The following ZNF627 variants were observed in gnomAD, a reference collection of about 807,000 sequenced individuals.
ZNF627 encodes zinc finger protein 627.
Under a neutral mutation model 10.6 loss-of-function variants are expected in ZNF627, and 12 were observed. The observed-to-expected ratio is 1.13, with a 90% CI of 0.73 to 1.84. The LOEUF is 1.84. ZNF627 is among the 40% of genes most tolerant of loss of function. The pLI is 0.00. For missense variants in ZNF627, 504 were observed against 568.4 expected, an observed-to-expected ratio of 0.89 and a Z score of 1.15; for synonymous variants, 176 against 187.1, an observed-to-expected ratio of 0.94 and a Z score of 0.48.
In ZNF627 at chr19:11,617,813, A is replaced by G. The variant is rs762727718; in HGVS notation, c.1310A>G (p.His437Arg). 3.7e-6 allele frequency: 6 copies of G among 1,608,924 alleles called. No individual in the cohort carries two copies. Among genetic ancestry groups the G allele is most frequent in the South Asian group, 1.1e-5 (1 of 90,318 alleles). The change falls in exon 4 of 4, where the codon CAT becomes CGT. Residue 437 changes from histidine to arginine, a missense_variant. Physicochemically the swap from His to Arg is conservative, Grantham distance 29. Coordinates refer to ENST00000361113, the MANE Select transcript of ZNF627 (RefSeq NM_145295.4). ...AGTCGATCCACTTACTTTCGAGTAC[A>G]TGAAAAAATTCATACTGGAGAGAAA... ...AFSRSTYFRV[H>R]EKIHTGEKPY... is the part of the protein sequence containing the mutation.
intron 3 of ZNF627, among the ~76,000 whole-genome samples, chr19:11,615,999 G>A (rs1430132878): frequency 6.7e-6 from 1 of 149,138 alleles, no homozygotes; most frequent in Non-Finnish European, 1.5e-5. Context: ...GATTACAGAT[G>A]TGAGCCACCA....
intron 1 of ZNF627, among the ~76,000 whole-genome samples, chr19:11,600,510 T>G (rs1973566986): frequency 6.6e-6 from 1 of 152,054 alleles, no homozygotes; most frequent in African/African-American, 2.4e-5. Context: ...TTGTTTTTTT[T>G]TGTGGGGGTG....
At position 11,610,984 on chromosome 19, in the gene ZNF627, C is replaced by T. The variant is rs537122674; in HGVS notation, c.4-3543C>T. Among the ~76,000 whole-genome samples the T allele has an allele frequency of 5.1e-4, 78 of 152,152 alleles. 1 individual carries two copies. The highest frequency in any genetic ancestry group is 1.7e-3 in the African/African-American group (71 of 41,520). On this transcript the variant is annotated intron_variant, in intron 1 of 3. Coordinates refer to ENST00000361113, the MANE Select transcript of ZNF627 (RefSeq NM_145295.4). ...TCTCCTGCCTCAGCCTCTGGAGTAG[C>T]TGGGACTTCAAGCATGTGCCACCAC...
At position 11,617,495 on chromosome 19, in the gene ZNF627, G is replaced by A; in HGVS notation, c.992G>A (p.Gly331Asp). 1 of 1,613,608 alleles carries A rather than the reference G, an allele frequency of 6.2e-7. No homozygotes were observed. Among genetic ancestry groups the A allele is most frequent in the Non-Finnish European group, 8.5e-7 (1 of 1,179,954 alleles). ...AGAAGACACATGATAAAGCACACTG[G>A]CAATGGACCTTATAAATGTAAGGTG... The part of the protein sequence containing the change: ...SVRRHMIKHT[G>D]NGPYKCKVCG... The change falls in exon 4 of 4, where the codon GGC (glycine) becomes GAC (aspartate). Residue 331 changes from glycine to aspartate, a missense_variant. Gly to Asp is a moderately conservative substitution (Grantham distance 94). Transcript: ENST00000361113.
chr19:11,610,784 T>A (rs192385092), intron 1 of ZNF627, among the ~76,000 whole-genome samples: 161 of 152,326 alleles, frequency 1.1e-3, no homozygotes, highest in Non-Finnish European at 1.9e-3. Flanking sequence ...TTCTGTTTCA[T>A]AGATGGGATG....
In ZNF627 at chr19:11,618,692, C is replaced by A. The variant is rs530034238; in HGVS notation, c.*803C>A. ...ACTTTGATGTGAGAATGAGCACTTT[C>A]CTCTATCAGGAAATTTCAAGTGTTT... On this transcript the variant is annotated 3_prime_UTR_variant, in exon 4 of 4. Coordinates refer to ENST00000361113, the MANE Select transcript of ZNF627 (RefSeq NM_145295.4). 7 of 152,188 alleles carry A rather than the reference C, an allele frequency of 4.6e-5. No individual in the cohort carries two copies. The highest frequency in any genetic ancestry group is 8.8e-5 in the Non-Finnish European group (6 of 68,038). The allele number at this position is 152,188 out of a possible 1,614,324, so 9.4% of individuals were successfully genotyped here. A position where few individuals can be genotyped will look rare whatever the true frequency, so the allele number is the denominator to read the frequency against.
intron 1 of ZNF627, among the ~76,000 whole-genome samples, chr19:11,597,847 C>A (rs1260958775): frequency 1.3e-5 from 2 of 152,212 alleles, no homozygotes; most frequent in Non-Finnish European, 2.9e-5. Flanking sequence ...CCCGCGTCTC[C>A]CCACATGGTG....
chr19:11,597,661 C>T (rs771645793), intron 1 of ZNF627, 31 bp downstream of exon 1: 1 of 1,338,018 alleles, frequency 7.5e-7, no homozygotes, highest in African/African-American at 1.5e-5. Flanking sequence ...GTCCCCAGAC[C>T]TGGGGGAGGG....
rs1274023165 is a variant in ZNF627 at position 11,597,633 on chromosome 19, G to A, written c.3+3G>A. 5.2e-6 allele frequency: 7 copies of A among 1,336,312 alleles called. No individual in the cohort carries two copies. The highest frequency in any genetic ancestry group is 4.8e-6 in the Non-Finnish European group (5 of 1,036,728). The allele number at this position is 1,336,312 out of a possible 1,614,324, so 82.8% of individuals were successfully genotyped here. ...GGACACCTGGAAGCCGAGAAATGGT[G>A]CGTGTGAGGGGTCAGGCGTCCCCAG... On this transcript the variant is annotated splice_donor_region_variant and intron_variant, in intron 1 of 3. Transcript: ENST00000361113.
intron 1 of ZNF627, 140 bp downstream of exon 1, chr19:11,597,770 G>A (rs1412014338): frequency 1.1e-6 from 1 of 935,030 alleles, no homozygotes; most frequent in African/African-American, 1.7e-5. Context: ...GCAAGGTGGG[G>A]CTGGGCCAGG....
chr19:11,600,956 G>T (rs1299722641), intron 1 of ZNF627, among the ~76,000 whole-genome samples: 1 of 152,196 alleles, frequency 6.6e-6, no homozygotes, highest in African/African-American at 2.4e-5. Flanking sequence ...CAGTGAATTT[G>T]AGTGATTTTA....
chr19:11,605,843 G>T (rs1256769316), intron 1 of ZNF627, among the ~76,000 whole-genome samples: 1 of 151,928 alleles, frequency 6.6e-6, no homozygotes, highest in Non-Finnish European at 1.5e-5. Context: ...TAACTCAAAA[G>T]TACAAGTCCA....
chr19:11,601,462 C>T (rs1436536420), intron 1 of ZNF627, among the ~76,000 whole-genome samples: 1 of 152,046 alleles, frequency 6.6e-6, no homozygotes, highest in Non-Finnish European at 1.5e-5. Flanking sequence ...ACATCAGCCT[C>T]CCAAGTACCT....
intron 1 of ZNF627, 98 bp downstream of exon 1, chr19:11,597,728 C>A: frequency 8.0e-7 from 1 of 1,249,560 alleles, no homozygotes; most frequent in Non-Finnish European, 1.0e-6. Context: ...CCTGCGGCGA[C>A]TCCGGGGTCT....
chr19:11,605,971 TGG>T (rs1431195728), intron 1 of ZNF627, among the ~76,000 whole-genome samples: 1 of 152,158 alleles, frequency 6.6e-6, no homozygotes, highest in African/African-American at 2.4e-5. Flanking sequence ...TGGGAGAAAT[TGG>T]CCAAAACAAA....
rs770033525 is a variant in ZNF627 at position 11,616,910 on chromosome 19, A to G, written c.407A>G (p.Lys136Arg). 11 of 1,614,166 alleles carry G rather than the reference A, an allele frequency of 6.8e-6. No individual in the cohort carries two copies. The highest frequency in any genetic ancestry group is 8.5e-6 in the Non-Finnish European group (10 of 1,180,022). The change falls in exon 4 of 4, where the codon AAG becomes AGG. Residue 136 changes from lysine (K) to arginine (R), a missense_variant. Lys to Arg is a conservative substitution (Grantham distance 26). Transcript: ENST00000361113. ...CCAAATGAATATCAGGAATATGGAAAGAAGTCATATACACGTAACCAGTGT... is the reference window on the plus strand; with the variant it reads ...CCAAATGAATATCAGGAATATGGAAGGAAGTCATATACACGTAACCAGTGT... ...REPNEYQEYG[K>R]KSYTRNQCGR...
chr19:11,598,372 A>T (rs928327863), intron 1 of ZNF627, among the ~76,000 whole-genome samples: 1 of 152,064 alleles, frequency 6.6e-6, no homozygotes, highest in Non-Finnish European at 1.5e-5. Flanking sequence ...ATCTCTGTTA[A>T]TTTTTTTTAA....
At chr19:11,607,660 T>C (rs1021219031) in intron 1 of ZNF627, among the ~76,000 whole-genome samples, 7 of 152,194 alleles carry the variant, frequency 4.6e-5, no homozygotes, top group African/African-American at 1.7e-4. Context: ...AACAAGTTTC[T>C]CGTCTCCATC....
chr19:11,597,694 C>T (rs1400091193), intron 1 of ZNF627, 64 bp downstream of exon 1: 1 of 1,325,508 alleles, frequency 7.5e-7, no homozygotes, highest in African/African-American at 1.5e-5. Context: ...CGGCCGGAAC[C>T]GGCTGTGGAG....
Sources: gnomAD v4.1 joint callset for allele counts (sites outside exome capture counted in the v4.1 genomes callset) on GRCh38, gnomAD v4.1.1 for gene constraint, MANE v1.5 for transcripts, NCBI Gene and HGNC (gene_info 2026-07-23, HGNC 2026-07-21) for gene names.